LRRTM4: variants seen among roughly 807,000 people sequenced by gnomAD.
LRRTM4 encodes the protein leucine-rich repeat transmembrane neuronal protein 4.
In LRRTM4, 25 loss-of-function variants were observed where a neutral mutation model predicts 47.6. The ratio of observed to expected loss-of-function variants is 0.53; its 90% CI spans 0.38 to 0.73. LRRTM4 has a LOEUF of 0.73. Ranked by LOEUF, LRRTM4 falls within the 30% of genes least tolerant of loss-of-function variation. LRRTM4 has a pLI of 0.00. For synonymous variants in LRRTM4, 311 were observed against 269.5 expected (o/e 1.15, Z -1.51); for missense variants, 638 against 713.4 (o/e 0.89, Z 1.20).
intron 3 of LRRTM4, among the ~76,000 whole-genome samples, chr2:76,766,240 G>A (rs534181543): frequency 2.2e-4 from 34 of 152,270 alleles, no homozygotes; most frequent in African/African-American, 6.0e-4. Context: ...TACATGTGGC[G>A]AATTGTTCCT....
At chr2:77,257,780 G>C (rs2104030035) in intron 3 of LRRTM4, among the ~76,000 whole-genome samples, 1 of 151,594 alleles carries the variant, frequency 6.6e-6, no homozygotes, top group South Asian at 2.1e-4. Flanking sequence ...AAAACATTAA[G>C]TGACATTTTA....
intron 3 of LRRTM4, among the ~76,000 whole-genome samples, chr2:77,169,385 T>G (rs2103829681): frequency 6.6e-6 from 1 of 152,280 alleles, no homozygotes; most frequent in South Asian, 2.1e-4. Context: ...ATTTAAAATT[T>G]TTGGTGGATT....
chr2:77,152,410 C>G (rs1672453667), intron 3 of LRRTM4, among the ~76,000 whole-genome samples: 1 of 151,992 alleles, frequency 6.6e-6, no homozygotes, highest in Admixed American at 6.5e-5. Context: ...CTCACTGCAA[C>G]CTCTGCCTCC....
chr2:77,173,086 A>G (rs1282289109), intron 3 of LRRTM4, among the ~76,000 whole-genome samples: 1 of 152,222 alleles, frequency 6.6e-6, no homozygotes, highest in Non-Finnish European at 1.5e-5. Flanking sequence ...AGGATGATAC[A>G]GCAAAAGGAA....
intron 3 of LRRTM4, among the ~76,000 whole-genome samples, chr2:76,840,697 C>T (rs1178307866): frequency 2.6e-5 from 4 of 151,870 alleles, no homozygotes; most frequent in African/African-American, 9.7e-5. Context: ...GGTAAGAAAA[C>T]AAAAGAGAGA....
At chr2:77,356,207 G>T (rs1671961857) in intron 3 of LRRTM4, among the ~76,000 whole-genome samples, 1 of 152,154 alleles carries the variant, frequency 6.6e-6, no homozygotes, top group South Asian at 2.1e-4. Context: ...ACAGTAACAT[G>T]ATCATAATAA....
At chr2:77,353,274 AT>A (rs1157851670) in intron 3 of LRRTM4, among the ~76,000 whole-genome samples, 1 of 152,226 alleles carries the variant, frequency 6.6e-6, no homozygotes, top group Non-Finnish European at 1.5e-5. Flanking sequence ...ATAAAATAAA[AT>A]TAAAAAGTGG....
chr2:77,007,709 A>G (rs976227324), intron 3 of LRRTM4, among the ~76,000 whole-genome samples: 3 of 152,188 alleles, frequency 2.0e-5, no homozygotes, highest in African/African-American at 7.2e-5. Flanking sequence ...GAAGGTATTT[A>G]TAGTCTTCTT....
intron 3 of LRRTM4, among the ~76,000 whole-genome samples, chr2:77,369,644 T>C (rs1672588188): frequency 6.6e-6 from 1 of 151,734 alleles, no homozygotes; most frequent in African/African-American, 2.4e-5. Flanking sequence ...ACTACAGATA[T>C]ATGTTCTCAA....
At chr2:77,179,560 T>A (rs1026352347) in intron 3 of LRRTM4, among the ~76,000 whole-genome samples, 3 of 152,150 alleles carry the variant, frequency 2.0e-5, no homozygotes, top group East Asian at 3.9e-4. Flanking sequence ...ACTGTGTGGA[T>A]GAGAGTAAGT....
At chr2:76,910,779 A>G (rs1157000517) in intron 3 of LRRTM4, among the ~76,000 whole-genome samples, 1 of 152,196 alleles carries the variant, frequency 6.6e-6, no homozygotes, top group Admixed American at 6.5e-5. Flanking sequence ...ATCTCATATC[A>G]CTTTCTCTTC....
intron 3 of LRRTM4, among the ~76,000 whole-genome samples, chr2:76,858,088 T>TA (rs1672206788): frequency 6.6e-6 from 1 of 152,116 alleles, no homozygotes. Context: ...TAGATATCTA[T>TA]AATGGTTAGT....
Position 76,979,242 on chromosome 2 carries a change from G to C in LRRTM4, c.1552-230326C>G, listed in dbSNP as rs141435283. Among the ~76,000 whole-genome samples, 151 of 152,102 alleles carry C rather than the reference G, an allele frequency of 9.9e-4. 1 individual carries two copies. In the Middle Eastern group the frequency reaches 0.01, roughly 10 times the overall value. ...TTCAGGTCATTGGAATTCTGCATGA[G>C]TAAGTGTACACAAGAACAAGTAGGG... is the stretch of plus-strand genomic sequence containing the variant. On this transcript the variant is annotated intron_variant, in intron 3 of 3. Transcript: ENST00000409884.
chr2:77,349,753 T>C (rs1436735850), intron 3 of LRRTM4, among the ~76,000 whole-genome samples: 1 of 152,088 alleles, frequency 6.6e-6, no homozygotes, highest in Non-Finnish European at 1.5e-5. Flanking sequence ...AGAATAAGAA[T>C]ACACACAAAT....
chr2:77,308,908 G>T (rs1293306380), intron 3 of LRRTM4, among the ~76,000 whole-genome samples: 1 of 151,994 alleles, frequency 6.6e-6, no homozygotes, highest in Non-Finnish European at 1.5e-5. Context: ...CACAAACCAT[G>T]ACTCAAGAAA....
intron 3 of LRRTM4, among the ~76,000 whole-genome samples, chr2:76,943,272 T>C (rs1675211765): frequency 6.6e-6 from 1 of 151,968 alleles, no homozygotes; most frequent in South Asian, 2.1e-4. Context: ...CCGTCTCTAC[T>C]AAAAACACAA....
chr2:76,848,246 C>A, intron 3 of LRRTM4, among the ~76,000 whole-genome samples: 1 of 152,096 alleles, frequency 6.6e-6, no homozygotes, highest in East Asian at 1.9e-4. Context: ...AATTTTCCAA[C>A]ATACTAAACA....
chr2:76,970,581 T>A (rs1328388457), intron 3 of LRRTM4, among the ~76,000 whole-genome samples: 1 of 152,094 alleles, frequency 6.6e-6, no homozygotes, highest in Admixed American at 6.6e-5. Context: ...TTTACCATAA[T>A]AACCCCTGAG....
intron 3 of LRRTM4, among the ~76,000 whole-genome samples, chr2:77,361,073 A>G (rs573918349): frequency 1.3e-5 from 2 of 152,118 alleles, no homozygotes; most frequent in Admixed American, 6.5e-5. Flanking sequence ...AAAATTACCA[A>G]TTTTATCTGG....
Sources: gnomAD v4.1 joint callset for allele counts (sites outside exome capture counted in the v4.1 genomes callset) on GRCh38, gnomAD v4.1.1 for gene constraint, MANE v1.5 for transcripts, NCBI Gene and HGNC (gene_info 2026-07-23, HGNC 2026-07-21) for gene names.